Variants in NEK10 observed in about 807,000 individuals in gnomAD.
The protein encoded by NEK10 is serine/threonine-protein kinase Nek10.
In NEK10, 122 loss-of-function variants were observed where a neutral mutation model predicts 159.8. That is an observed-to-expected ratio of 0.76 (90% CI 0.66 to 0.89). NEK10 has a LOEUF of 0.89. NEK10 is among the 40% of genes least tolerant of loss of function. The pLI is 0.00. For missense variants in NEK10, 1,342 were observed against 1,323.1 expected (o/e 1.01, Z -0.22); for synonymous variants, 466 against 457.1 (o/e 1.02, Z -0.25).
At chr3:27,155,477 G>A (rs535397452) in intron 30 of NEK10, among the ~76,000 whole-genome samples, 5 of 149,598 alleles carry the variant, frequency 3.3e-5, no homozygotes, top group African/African-American at 9.8e-5. Flanking sequence ...ACACCAGCCT[G>A]GCAACAGAGT....
At chr3:27,193,447 T>C (rs1305925713) in intron 25 of NEK10, among the ~76,000 whole-genome samples, 1 of 152,138 alleles carries the variant, frequency 6.6e-6, no homozygotes. Context: ...ATTCCCAGAA[T>C]GCTATACAAG....
intron 1 of NEK10, among the ~76,000 whole-genome samples, chr3:27,368,494 A>T (rs2049269003): frequency 1.3e-5 from 2 of 152,186 alleles, no homozygotes; most frequent in South Asian, 4.1e-4. Flanking sequence ...AATTGATTCA[A>T]CACCTATTAA....
chr3:27,280,146 T>G (rs2042054503), intron 22 of NEK10, among the ~76,000 whole-genome samples: 1 of 143,720 alleles, frequency 7.0e-6, no homozygotes, highest in African/African-American at 2.6e-5. Flanking sequence ...TTCTTTGGAA[T>G]GTTACTAACC....
intron 31 of NEK10, 98 bp downstream of exon 31, chr3:27,141,384 A>C (rs908125437): frequency 2.3e-6 from 2 of 862,316 alleles, no homozygotes; most frequent in African/African-American, 3.4e-5. Flanking sequence ...GGATAAGAAC[A>C]AGAATTCAAT....
intron 4 of NEK10, 129 bp downstream of exon 4, chr3:27,345,957 T>G: frequency 1.3e-6 from 1 of 760,714 alleles, no homozygotes; most frequent in African/African-American, 2.6e-5. Context: ...ACTGAAAATA[T>G]TAAATTAAGA....
intron 23 of NEK10, among the ~76,000 whole-genome samples, chr3:27,243,765 A>G (rs928167519): frequency 4.0e-5 from 6 of 151,816 alleles, no homozygotes; most frequent in Non-Finnish European, 7.4e-5. Context: ...ATTATCCTGG[A>G]GACTCATTAC....
intron 1 of NEK10, among the ~76,000 whole-genome samples, chr3:27,365,598 T>TG (rs2049001929): frequency 1.1e-5 from 1 of 93,852 alleles, no homozygotes; most frequent in Non-Finnish European, 2.2e-5. Flanking sequence ...GTTTTTTGTG[T>TG]TTTTTTTTTG....
At position 27,119,835 on chromosome 3, in the gene NEK10, T is replaced by C. The variant is rs780525663; in HGVS notation, c.3115A>G (p.Asn1039Asp). 1.1e-5 allele frequency: 18 copies of C among 1,613,874 alleles called. No individual in the cohort carries two copies. The highest frequency in any genetic ancestry group is 1.4e-5 in the Non-Finnish European group (17 of 1,179,902). The change falls in exon 33 of 36, where the codon AAC becomes GAC. Residue 1039 changes from asparagine (N) to aspartate (D), a missense_variant. Coordinates refer to ENST00000691995, the MANE Select transcript of NEK10 (RefSeq NM_001394966.1). ...SQGSPEPIEPNFFTADYHLLH... is the reference protein window; with the variant it reads ...SQGSPEPIEPDFFTADYHLLH... The stretch of plus-strand genomic sequence containing the variant: ...AAATGGTAATCTGCTGTGAAAAAGT[T>C]GGGCTCAATCGGTTCTGGAGATCCC...
At chr3:27,300,308 C>T (rs1043836677) in intron 13 of NEK10, among the ~76,000 whole-genome samples, 2 of 151,878 alleles carry the variant, frequency 1.3e-5, no homozygotes, top group Admixed American at 6.6e-5. Context: ...ATGGAGTTTC[C>T]CTGCACAAGC....
chr3:27,297,281 A>G (rs1195316625), intron 13 of NEK10, 41 bp from the exon 14 acceptor site: 4 of 1,328,600 alleles, frequency 3.0e-6, no homozygotes, highest in South Asian at 1.2e-5. Context: ...GCATCATTAC[A>G]ATAAATATAC....
intron 10 of NEK10, among the ~76,000 whole-genome samples, chr3:27,308,229 AACTC>A (rs1158709226): frequency 6.6e-6 from 1 of 152,128 alleles, no homozygotes; most frequent in Non-Finnish European, 1.5e-5. Context: ...ATCTCATGAG[AACTC>A]ACTCACTATC....
chr3:27,245,857 T>C (rs1955006880), intron 23 of NEK10, among the ~76,000 whole-genome samples: 1 of 152,160 alleles, frequency 6.6e-6, no homozygotes, highest in Non-Finnish European at 1.5e-5. Context: ...ACACATCTTA[T>C]CACTATGTAT....
chr3:27,178,032 G>A (rs146167918), intron 26 of NEK10, among the ~76,000 whole-genome samples: 9 of 152,140 alleles, frequency 5.9e-5, no homozygotes, highest in East Asian at 3.9e-4. Context: ...GACACATTCC[G>A]GATATCAATA....
chr3:27,310,223 T>C (rs576786146), intron 9 of NEK10: 1 of 152,348 alleles, frequency 6.6e-6, no homozygotes, highest in South Asian at 2.1e-4. Context: ...CCATTACATA[T>C]CATTTTCACA....
At chr3:27,119,279 A>G (rs1374731339) in intron 33 of NEK10, among the ~76,000 whole-genome samples, 1 of 152,212 alleles carries the variant, frequency 6.6e-6, no homozygotes, top group Non-Finnish European at 1.5e-5. Flanking sequence ...CTAGGCACCC[A>G]GGTTTCCAGA....
chr3:27,172,045 A>G (rs1947038637), intron 28 of NEK10, among the ~76,000 whole-genome samples, 172 bp from the exon 29 acceptor site: 2 of 152,148 alleles, frequency 1.3e-5, no homozygotes, highest in African/African-American at 4.8e-5. Flanking sequence ...GGAAAACAGT[A>G]TAAAGGTTCT....
At chr3:27,286,545 C>CTTTTTTTTT (rs36101281) in intron 20 of NEK10, among the ~76,000 whole-genome samples, 3 of 65,020 alleles carry the variant, frequency 4.6e-5, no homozygotes, top group African/African-American at 8.9e-5. Flanking sequence ...CCACGCCCAG[C>CTTTTTTTTT]TTTTTTTTTT....
At chr3:27,150,619 AAT>A in intron 30 of NEK10, among the ~76,000 whole-genome samples, 1 of 152,302 alleles carries the variant, frequency 6.6e-6, no homozygotes, top group African/African-American at 2.4e-5. Context: ...TCTTTGACAA[AAT>A]ACTTGGTCAC....
intron 23 of NEK10, among the ~76,000 whole-genome samples, chr3:27,248,041 T>G (rs1488445349): frequency 2.0e-5 from 3 of 152,256 alleles, no homozygotes; most frequent in African/African-American, 7.2e-5. Context: ...ATGGCTTCCA[T>G]CTCACTACTT....
Sources: allele counts gnomAD v4.1 joint callset (sites outside exome capture counted in the v4.1 genomes callset), GRCh38; gene constraint gnomAD v4.1.1; transcripts MANE v1.5; gene names NCBI Gene and HGNC (gene_info 2026-07-23, HGNC 2026-07-21).